The following MAP3K1 variants were observed in gnomAD, a reference collection of about 807,000 sequenced individuals.
MAP3K1 encodes the protein mitogen-activated protein kinase kinase kinase 1.
A neutral mutation model predicts 144.2 loss-of-function variants in MAP3K1; 36 were observed. That is an observed-to-expected ratio of 0.25 (90% CI 0.19 to 0.33). MAP3K1 has a LOEUF of 0.33. Ranked by LOEUF, MAP3K1 falls within the 10% of genes least tolerant of loss-of-function variation. The pLI, the probability that MAP3K1 is intolerant of heterozygous loss-of-function variation, is 1.00. For synonymous variants in MAP3K1, 718 were observed against 688.7 expected, an observed-to-expected ratio of 1.04 and a Z score of -0.67; for missense variants, 1,650 against 1,881.9, an observed-to-expected ratio of 0.88 and a Z score of 2.28.
chr5:56,877,947 C>G (rs1214665600), intron 10 of MAP3K1, among the ~76,000 whole-genome samples: 1 of 152,154 alleles, frequency 6.6e-6, no homozygotes, highest in African/African-American at 2.4e-5. Flanking sequence ...TTGGGTTTAT[C>G]TGATGTTTTC....
chr5:56,865,270 A>G (rs1335107517), intron 4 of MAP3K1, 70 bp from the exon 5 acceptor site: 6 of 905,516 alleles, frequency 6.6e-6, no homozygotes, highest in Admixed American at 3.9e-5. Context: ...ATATTGTAAA[A>G]GTGATAAATT....
chr5:56,892,034 A>G (rs1405068961), intron 19 of MAP3K1, among the ~76,000 whole-genome samples: 1 of 152,176 alleles, frequency 6.6e-6, no homozygotes, highest in African/African-American at 2.4e-5. Context: ...TTTTGGTTCC[A>G]TATGAACTTA....
intron 1 of MAP3K1, among the ~76,000 whole-genome samples, chr5:56,827,216 C>T (rs1746344519): frequency 6.6e-6 from 1 of 152,172 alleles, no homozygotes; most frequent in Non-Finnish European, 1.5e-5. Flanking sequence ...TGGCTCTGGC[C>T]AGAGAGAGAG....
At position 56,837,057 on chromosome 5, in the gene MAP3K1, GCTAGGAGAAT is replaced by G. The variant is rs1746677153; in HGVS notation, c.483-19537_483-19528del. Among the ~76,000 whole-genome samples the G allele has an allele frequency of 2.6e-5, 4 of 152,078 alleles. No homozygotes were observed. The South Asian group carries it at 8.3e-4, about 32-fold the overall frequency. On this transcript the variant is annotated intron_variant, in intron 1 of 19. Transcript: ENST00000399503. ...TGCCAGCAGTATCCCCCCACCTTAA[GCTAGGAGAAT>G]CTAGGTGTGAGAAATTTGGATTCGG...
Position 56,891,347 on chromosome 5 carries a change from A to G in MAP3K1, c.4390-2184A>G, listed in dbSNP as rs568607781. Among the ~76,000 whole-genome samples, 6 of 152,292 alleles carry G rather than the reference A, an allele frequency of 3.9e-5. No individual in the cohort carries two copies. In the East Asian group the frequency reaches 7.7e-4, roughly 20 times the overall value. ...TATTACTTTGCATTTTTTAACCCAA[A>G]GCATTTATGAAATTACTGGGGTAGG... On this transcript the variant is annotated intron_variant, in intron 19 of 19. Coordinates refer to ENST00000399503, the MANE Select transcript of MAP3K1 (RefSeq NM_005921.2).
chr5:56,815,905 C>G lies in MAP3K1; in HGVS notation c.332C>G (p.Pro111Arg). 7 of 1,296,796 alleles carry G rather than the reference C, an allele frequency of 5.4e-6. No individual in the cohort carries two copies. The highest frequency in any genetic ancestry group is 6.8e-6 in the Non-Finnish European group (7 of 1,023,546). 80.3% of individuals were successfully genotyped at this position (1,296,796 alleles called of 1,614,324 possible). Residue 111 changes from proline (P) to arginine (R), a missense_variant, in exon 1 of 20, where the codon CCG (proline) becomes CGG (arginine). By Grantham distance (103) the Pro-to-Arg change is moderately radical (BLOSUM62 -2). Coordinates refer to ENST00000399503, the MANE Select transcript of MAP3K1 (RefSeq NM_005921.2). ...SGTGFQPVAVPPPHGAASRGG... is the reference protein window; with the variant it reads ...SGTGFQPVAVRPPHGAASRGG... ...ACCGGCTTCCAGCCTGTGGCGGTGC[C>G]GCCGCCCCACGGAGCCGCGAGCCGC...
intron 19 of MAP3K1, among the ~76,000 whole-genome samples, chr5:56,892,651 T>C (rs967099871): frequency 6.6e-6 from 1 of 152,066 alleles, no homozygotes; most frequent in Non-Finnish European, 1.5e-5. Context: ...CACATGAGAA[T>C]TGTGGAAGTT....
chr5:56,816,160 G>A (rs1745958711), intron 1 of MAP3K1, 105 bp downstream of exon 1: 1 of 1,103,908 alleles, frequency 9.1e-7, no homozygotes, highest in Admixed American at 4.6e-5. Context: ...AGCGCAGCGA[G>A]GCTACGCGCC....
At chr5:56,851,447 C>G (rs182900263) in intron 1 of MAP3K1, among the ~76,000 whole-genome samples, 1 of 152,200 alleles carries the variant, frequency 6.6e-6, no homozygotes, top group Admixed American at 6.5e-5. Context: ...CATTCATTAT[C>G]CAGGGGTGGT....
chr5:56,873,116 C>T (rs1747910881), intron 9 of MAP3K1, 111 bp downstream of exon 9: 9 of 950,310 alleles, frequency 9.5e-6, no homozygotes, highest in Non-Finnish European at 1.1e-5. Context: ...TTACTTGCCT[C>T]CATCATGACC....
rs1748655707 is a variant in MAP3K1, at chr5:56,894,833, T to TG, written c.*1153_*1154insG. The TG allele has an allele frequency of 4.3e-6, 1 of 232,060 alleles. No individual in the cohort carries two copies. Among genetic ancestry groups the TG allele is most frequent in the African/African-American group, 2.2e-5 (1 of 45,306 alleles). 14.4% of individuals were successfully genotyped at this position (232,060 alleles called of 1,614,324 possible). A position where few individuals can be genotyped will look rare whatever the true frequency, so the allele number is the denominator to read the frequency against. On this transcript the variant is annotated 3_prime_UTR_variant, in exon 20 of 20. Transcript: ENST00000399503. ...TTTAAACAGTACATTTGCTTTGAAC[T>TG]TGGAAAATGTGTTCAGAAAGAAAAA...
chr5:56,816,939 A>G (rs1353499644), intron 1 of MAP3K1: 20 of 236,952 alleles, frequency 8.4e-5, no homozygotes, highest in Non-Finnish European at 6.9e-6. Flanking sequence ...TTCAGTTTCA[A>G]AGCAGTGGTG....
chr5:56,837,014 G>A (rs1447903123), intron 1 of MAP3K1, among the ~76,000 whole-genome samples: 1 of 152,132 alleles, frequency 6.6e-6, no homozygotes, highest in African/African-American at 2.4e-5. Flanking sequence ...TGCTTATGCT[G>A]TGGTTTTAAA....
chr5:56,893,703 G>A lies in MAP3K1; in HGVS notation c.*23G>A, dbSNP rs2111975904. Reference sequence around the variant, plus strand: ...TAGCCAATTATGCAGATCAACTACAGTAGAAACAGGATGCTCAACAAGAGA... The same window carrying A: ...TAGCCAATTATGCAGATCAACTACAATAGAAACAGGATGCTCAACAAGAGA... On this transcript the variant is annotated 3_prime_UTR_variant, in exon 20 of 20. Coordinates refer to ENST00000399503, the MANE Select transcript of MAP3K1 (RefSeq NM_005921.2). The A allele has an allele frequency of 6.2e-7, 1 of 1,612,968 alleles. No homozygotes were observed. Among genetic ancestry groups the A allele is most frequent in the Non-Finnish European group, 8.5e-7 (1 of 1,179,330 alleles).
At chr5:56,874,708 C>T (rs535329790) in intron 9 of MAP3K1, among the ~76,000 whole-genome samples, 3 of 152,110 alleles carry the variant, frequency 2.0e-5, no homozygotes, top group African/African-American at 7.2e-5. Context: ...GAGGTTTTCA[C>T]AGTTTTTTGG....
At chr5:56,874,229 T>G (rs115705615) in intron 9 of MAP3K1, among the ~76,000 whole-genome samples, 1,556 of 152,348 alleles carry the variant, frequency 0.01, 34 homozygotes, top group African/African-American at 0.035. Context: ...AAGTTGTGTT[T>G]ATTCATCTTT....
chr5:56,837,270 C>T, intron 1 of MAP3K1, among the ~76,000 whole-genome samples: 1 of 152,044 alleles, frequency 6.6e-6, no homozygotes. Flanking sequence ...TCCTACTTAC[C>T]ACAGGAAAAA....
chr5:56,848,477 CTGT>C (rs1263486016), intron 1 of MAP3K1, among the ~76,000 whole-genome samples: 4 of 152,170 alleles, frequency 2.6e-5, no homozygotes, highest in Non-Finnish European at 4.4e-5. Flanking sequence ...CCCATGACAT[CTGT>C]TGTTCTGGGT....
At chr5:56,874,597 TCTC>T (rs1396514514) in intron 9 of MAP3K1, among the ~76,000 whole-genome samples, 1 of 152,206 alleles carries the variant, frequency 6.6e-6, no homozygotes, top group African/African-American at 2.4e-5. Flanking sequence ...CTTGAAACCT[TCTC>T]CTGGTGCTTT....
Sources: allele counts gnomAD v4.1 joint callset (sites outside exome capture counted in the v4.1 genomes callset), GRCh38; gene constraint gnomAD v4.1.1; transcripts MANE v1.5; gene names NCBI Gene and HGNC (gene_info 2026-07-23, HGNC 2026-07-21).